PI4KA: variants seen among roughly 807,000 people sequenced by gnomAD.
PI4KA encodes the protein phosphatidylinositol 4-kinase alpha, also known as PI4-kinase alpha.
Under a neutral mutation model 271.4 loss-of-function variants are expected in PI4KA, and 122 were observed. The ratio of observed to expected loss-of-function variants is 0.45; its 90% CI spans 0.39 to 0.52. The LOEUF (loss-of-function observed/expected upper bound fraction) is 0.52. PI4KA is among the 20% of genes least tolerant of loss of function. The pLI is 0.00. For synonymous variants in PI4KA, 1,041 were observed against 1,078.8 expected, an observed-to-expected ratio of 0.96 and a Z score of 0.69; for missense variants, 1,969 against 2,769.1, an observed-to-expected ratio of 0.71 and a Z score of 6.48.
chr22:20,831,865 T>C (rs1924221755), intron 3 of PI4KA, among the ~76,000 whole-genome samples: 1 of 152,146 alleles, frequency 6.6e-6, no homozygotes, highest in African/African-American at 2.4e-5. Flanking sequence ...AATTTTGGCC[T>C]CTCTAGTGAG....
intron 1 of PI4KA, among the ~76,000 whole-genome samples, chr22:20,844,098 C>T (rs1219375724): frequency 6.6e-6 from 1 of 152,180 alleles, no homozygotes; most frequent in Non-Finnish European, 1.5e-5. Flanking sequence ...CCCATCATAT[C>T]TCTCAATAGC....
intron 17 of PI4KA, among the ~76,000 whole-genome samples, chr22:20,797,397 A>T (rs578057959): frequency 2.1e-4 from 32 of 152,242 alleles, no homozygotes; most frequent in Middle Eastern, 3.4e-3. Flanking sequence ...GCAGCTGGCG[A>T]GGCAGCTGGG....
chr22:20,765,737 G>A (rs1360813842), intron 19 of PI4KA, 44 bp from the exon 20 acceptor site: 4 of 1,314,354 alleles, frequency 3.0e-6, no homozygotes, highest in Non-Finnish European at 4.4e-6. Flanking sequence ...TATTTGCTGA[G>A]GAAACCCTAA....
At chr22:20,847,145 C>A in intron 1 of PI4KA, among the ~76,000 whole-genome samples, 2 of 142,008 alleles carry the variant, frequency 1.4e-5, no homozygotes, top group Admixed American at 7.1e-5. Context: ...AAGACTCCAT[C>A]TCAAAAAAAA....
At chr22:20,752,822 TAAG>T in intron 25 of PI4KA, 78 bp downstream of exon 25, 1 of 1,442,254 alleles carries the variant, frequency 6.9e-7, no homozygotes, top group Non-Finnish European at 9.7e-7. Flanking sequence ...ATTAATAATA[TAAG>T]GATGATTTTT....
At chr22:20,787,545 G>A (rs774771019) in intron 19 of PI4KA, 6 of 217,390 alleles carry the variant, frequency 2.8e-5, no homozygotes, top group Non-Finnish European at 4.7e-5. Context: ...GCCACCTCAA[G>A]ACATATGAGG....
intron 9 of PI4KA, among the ~76,000 whole-genome samples, chr22:20,807,809 G>C (rs954421755): frequency 6.6e-6 from 1 of 151,934 alleles, no homozygotes; most frequent in African/African-American, 2.4e-5. Context: ...AAGGCCACCA[G>C]AGTAAGGGAT....
chr22:20,817,358 G>C lies in PI4KA; in HGVS notation c.856+1125C>G, dbSNP rs568818686. The stretch of plus-strand genomic sequence containing the variant: ...AGTAAGGTAGAAATAATTTTAACAT[G>C]TGTCTGACATGGCACAGGGTAGTCA... On this transcript the variant is annotated intron_variant, in intron 7 of 54. Coordinates refer to ENST00000255882, the MANE Select transcript of PI4KA (RefSeq NM_058004.4). Among the ~76,000 whole-genome samples the C allele has an allele frequency of 6.6e-5, 10 of 152,208 alleles. No homozygotes were observed. In the South Asian group the frequency reaches 1.7e-3, roughly 25 times the overall value.
intron 19 of PI4KA, among the ~76,000 whole-genome samples, chr22:20,770,086 C>T (rs577976910): frequency 3.3e-5 from 5 of 152,138 alleles, no homozygotes; most frequent in African/African-American, 1.2e-4. Context: ...CTCACTCTGT[C>T]GACCACACTG....
At chr22:20,760,202 C>G (rs1008023218) in intron 23 of PI4KA, among the ~76,000 whole-genome samples, 7 of 152,166 alleles carry the variant, frequency 4.6e-5, no homozygotes, top group Admixed American at 6.5e-5. Flanking sequence ...TTTATTCATA[C>G]AGTTAATCAA....
At chr22:20,774,323 T>G (rs1933069486) in intron 19 of PI4KA, among the ~76,000 whole-genome samples, 1 of 152,242 alleles carries the variant, frequency 6.6e-6, no homozygotes, top group African/African-American at 2.4e-5. Flanking sequence ...GTTCCATTGT[T>G]GGGAGAGTTG....
At chr22:20,731,800 G>A (rs971086509) in intron 36 of PI4KA, among the ~76,000 whole-genome samples, 2 of 152,058 alleles carry the variant, frequency 1.3e-5, no homozygotes, top group African/African-American at 4.8e-5. Context: ...GTGGTAGCGA[G>A]CGCCTGTAGT....
In PI4KA at chr22:20,745,368, G is replaced by A. The variant is rs116490854; in HGVS notation, c.3364-648C>T. Among the ~76,000 whole-genome samples, 482 of 152,216 alleles carry A rather than the reference G, an allele frequency of 3.2e-3. 1 individual carries two copies. The highest frequency in any genetic ancestry group is 0.011 in the African/African-American group (463 of 41,522). On this transcript the variant is annotated intron_variant, in intron 29 of 54. Coordinates refer to ENST00000255882, the MANE Select transcript of PI4KA (RefSeq NM_058004.4). ...CACCTTTCAGTTCCTGTTCATCCAC[G>A]GTCACTGCAGAGTACAGCATGCATT... is the stretch of plus-strand genomic sequence containing the variant.
In PI4KA at chr22:20,717,591, G is replaced by A. The variant is rs1926163586; in HGVS notation, c.5317+117C>T. Reference sequence around the variant, plus strand: ...CACCGTGGGCCCAAGCAGGTGTGGGGCTGGCCAAGCCACTGTGTCCACATC... The same window carrying A: ...CACCGTGGGCCCAAGCAGGTGTGGGACTGGCCAAGCCACTGTGTCCACATC... On this transcript the variant is annotated intron_variant, in intron 45 of 54. Transcript: ENST00000255882. 2.2e-5 allele frequency: 19 copies of A among 878,052 alleles called. No individual in the cohort carries two copies. In the South Asian group the frequency reaches 2.6e-4, roughly 12 times the overall value. 54.4% of individuals were successfully genotyped at this position (878,052 alleles called of 1,614,324 possible). A position where few individuals can be genotyped will look rare whatever the true frequency, so the allele number is the denominator to read the frequency against.
chr22:20,783,718 T>G (rs1181006880), intron 19 of PI4KA, among the ~76,000 whole-genome samples: 1 of 152,182 alleles, frequency 6.6e-6, no homozygotes, highest in African/African-American at 2.4e-5. Context: ...TTAGGTGCCT[T>G]ACCATGGTCA....
intron 1 of PI4KA, among the ~76,000 whole-genome samples, chr22:20,856,677 C>G (rs1159937999): frequency 6.6e-6 from 1 of 152,148 alleles, no homozygotes. Flanking sequence ...AAGTGATCTG[C>G]CTGTCTCAGC....
Position 20,805,171 on chromosome 22 carries a change from G to A in PI4KA, c.1169-6C>T. 1.9e-6 allele frequency: 3 copies of A among 1,609,944 alleles called. No individual in the cohort carries two copies. The highest frequency in any genetic ancestry group is 2.5e-6 in the Non-Finnish European group (3 of 1,177,004). ...CACAAAAGAGGTCGGGAGGTCTGTA[G>A]GAAAGAGTGTGGCATCACAGCTGGG... On this transcript the variant is annotated splice_region_variant and splice_polypyrimidine_tract_variant and intron_variant, in intron 10 of 54. Coordinates refer to ENST00000255882, the MANE Select transcript of PI4KA (RefSeq NM_058004.4).
At chr22:20,828,416 C>T (rs975508478) in intron 3 of PI4KA, among the ~76,000 whole-genome samples, 5 of 152,102 alleles carry the variant, frequency 3.3e-5, no homozygotes, top group African/African-American at 1.2e-4. Context: ...TGAGAGAGGG[C>T]ATCTTTGTCT....
chr22:20,737,653 C>T (rs1011932581), intron 32 of PI4KA, among the ~76,000 whole-genome samples: 10 of 136,780 alleles, frequency 7.3e-5, no homozygotes, highest in Admixed American at 2.3e-4. Flanking sequence ...TTTTTTGAGA[C>T]GGAGTTTCGC....
Sources: allele counts gnomAD v4.1 joint callset (sites outside exome capture counted in the v4.1 genomes callset), GRCh38; gene constraint gnomAD v4.1.1; transcripts MANE v1.5; gene names NCBI Gene and HGNC (gene_info 2026-07-23, HGNC 2026-07-21).